Variants in FAM210A observed in about 807,000 individuals in gnomAD.
FAM210A encodes family with sequence similarity 210 member A.
Under a neutral mutation model 25.3 loss-of-function variants are expected in FAM210A, and 13 were observed. The ratio of observed to expected loss-of-function variants is 0.51; its 90% CI spans 0.33 to 0.82. FAM210A has a LOEUF of 0.82. Among genes scored for constraint, FAM210A ranks in the 40% least tolerant of loss-of-function variants. FAM210A has a pLI of 0.02. For missense variants in FAM210A, 319 were observed against 323.2 expected (o/e 0.99, Z 0.10); for synonymous variants, 125 against 118.7 (o/e 1.05, Z -0.35).
chr18:13,705,936 G>C (rs139276870), intron 1 of FAM210A, among the ~76,000 whole-genome samples: 1 of 152,270 alleles, frequency 6.6e-6, no homozygotes, highest in African/African-American at 2.4e-5. Context: ...TTGTATAAAA[G>C]CTTTCCCATG....
intron 1 of FAM210A, among the ~76,000 whole-genome samples, chr18:13,688,819 G>A (rs1048182428): frequency 9.9e-5 from 15 of 152,256 alleles, no homozygotes; most frequent in Admixed American, 6.5e-4. Flanking sequence ...CACATGGCCT[G>A]CACGGAGTTC....
Position 13,726,533 on chromosome 18 carries a change from T to G in FAM210A, c.-233A>C, listed in dbSNP as rs2043952896. 1 of 152,198 alleles carries G rather than the reference T, an allele frequency of 6.6e-6. No individual in the cohort carries two copies. Among genetic ancestry groups the G allele is most frequent in the Non-Finnish European group, 1.5e-5 (1 of 68,088 alleles). 9.4% of individuals were successfully genotyped at this position (152,198 alleles called of 1,614,324 possible). On this transcript the variant is annotated 5_prime_UTR_variant, in exon 1 of 4. Coordinates refer to ENST00000651643, the MANE Select transcript of FAM210A (RefSeq NM_152352.4). ...GCCCACTAGCAACGTGCTCGCGACC[T>G]CCAGTGCCCGCTCAGTGAAGCTTCT... is the stretch of plus-strand genomic sequence containing the variant.
chr18:13,664,920 A>G lies in FAM210A; in HGVS notation c.*1560T>C, dbSNP rs1490248939. ...ATCTAAGAGGCCATTCCCTCATCCA[A>G]TTAGCAATTGAAGGGTTAGAACTGA... On this transcript the variant is annotated 3_prime_UTR_variant, in exon 4 of 4. Coordinates refer to ENST00000651643, the MANE Select transcript of FAM210A (RefSeq NM_152352.4). 4 of 152,434 alleles carry G rather than the reference A, an allele frequency of 2.6e-5. No individual in the cohort carries two copies. The highest frequency in any genetic ancestry group is 7.2e-5 in the African/African-American group (3 of 41,432). 9.4% of individuals were successfully genotyped at this position (152,434 alleles called of 1,614,324 possible).
At chr18:13,720,160 G>A (rs1475741898) in intron 1 of FAM210A, among the ~76,000 whole-genome samples, 1 of 152,154 alleles carries the variant, frequency 6.6e-6, no homozygotes, top group Non-Finnish European at 1.5e-5. Context: ...GCAAAGGATG[G>A]AAAGGCTTTG....
intron 1 of FAM210A, among the ~76,000 whole-genome samples, chr18:13,691,208 A>G (rs2043641558): frequency 6.6e-6 from 1 of 152,216 alleles, no homozygotes; most frequent in South Asian, 2.1e-4. Flanking sequence ...TTTAGAGAAA[A>G]AAGAATACAA....
Position 13,720,534 on chromosome 18 carries a change from G to C in FAM210A, c.-29+5795C>G, listed in dbSNP as rs184035171. 2.1e-3 allele frequency among the ~76,000 whole-genome samples: 315 copies of C among 152,298 alleles called. 1 individual carries two copies. Among genetic ancestry groups the C allele is most frequent in the South Asian group, 0.016 (77 of 4,830 alleles). ...ACCCCTAGAAATTTCACAGGTGGAA[G>C]GCCCCTGAATATTTGTTGGATTTCC... On this transcript the variant is annotated intron_variant, in intron 1 of 3. Coordinates refer to ENST00000651643, the MANE Select transcript of FAM210A (RefSeq NM_152352.4).
rs554458037 is a variant in FAM210A, at chr18:13,680,214, T to C, written c.473+1391A>G. Among the ~76,000 whole-genome samples the C allele has an allele frequency of 7.9e-5, 12 of 152,318 alleles. No individual in the cohort carries two copies. In the South Asian group the frequency reaches 2.1e-3, roughly 26 times the overall value. On this transcript the variant is annotated intron_variant, in intron 2 of 3. Coordinates refer to ENST00000651643, the MANE Select transcript of FAM210A (RefSeq NM_152352.4). ...ACATAGCAGGACTGAATGCCTACAA[T>C]AACTTTTGATCAAAATGGTAACTTT...
chr18:13,712,309 C>T (rs919114456), intron 1 of FAM210A, among the ~76,000 whole-genome samples: 1 of 152,108 alleles, frequency 6.6e-6, no homozygotes, highest in African/African-American at 2.4e-5. Context: ...AGCTTTATTA[C>T]GAACCAGAAA....
At chr18:13,667,292 T>G (rs898430635) in intron 3 of FAM210A, among the ~76,000 whole-genome samples, 1 of 152,182 alleles carries the variant, frequency 6.6e-6, no homozygotes, top group African/African-American at 2.4e-5. Flanking sequence ...AGGCCAAAAG[T>G]AGTAAAATGG....
chr18:13,687,697 G>C (rs1022302403), intron 1 of FAM210A: 1 of 152,142 alleles, frequency 6.6e-6, no homozygotes, highest in African/African-American at 2.4e-5. Flanking sequence ...ACTGGAAGTG[G>C]GTCAGCCTAT....
chr18:13,678,375 A>G (rs2043522334), intron 2 of FAM210A, among the ~76,000 whole-genome samples: 1 of 151,676 alleles, frequency 6.6e-6, no homozygotes, highest in South Asian at 2.1e-4. Context: ...GGTTCAAGCG[A>G]TTCTCCTGCC....
At chr18:13,668,640 T>C (rs115199222) in intron 3 of FAM210A, among the ~76,000 whole-genome samples, 3 of 152,348 alleles carry the variant, frequency 2.0e-5, no homozygotes, top group African/African-American at 4.8e-5. Flanking sequence ...TGTGTGAAAC[T>C]TCACAGAGTG....
intron 1 of FAM210A, among the ~76,000 whole-genome samples, chr18:13,692,900 G>A (rs1053424160): frequency 3.9e-5 from 6 of 152,136 alleles, no homozygotes; most frequent in African/African-American, 1.4e-4. Flanking sequence ...TAAGATCAGA[G>A]CAGAACTGAA....
intron 1 of FAM210A, among the ~76,000 whole-genome samples, chr18:13,713,268 A>T (rs2043835514): frequency 6.6e-6 from 1 of 152,208 alleles, no homozygotes; most frequent in Non-Finnish European, 1.5e-5. Context: ...TTGATACACA[A>T]ATTCAACATA....
intron 1 of FAM210A, among the ~76,000 whole-genome samples, chr18:13,702,160 G>A (rs548795092): frequency 1.3e-5 from 2 of 152,200 alleles, no homozygotes; most frequent in Non-Finnish European, 2.9e-5. Context: ...TCAGAAGCCT[G>A]GCATGCCAGC....
chr18:13,726,082 G>A (rs4393641), intron 1 of FAM210A, among the ~76,000 whole-genome samples: 24,621 of 152,210 alleles, frequency 0.16, 2,689 homozygotes, highest in African/African-American at 0.31. Context: ...CAGTCCCAAA[G>A]CAAGATTTGC....
rs780686444 is a variant in FAM210A at position 13,674,898 on chromosome 18, CTTT to C, written c.474-2928_474-2926del. The stretch of plus-strand genomic sequence containing the variant: ...TATTAACATTCCTGAGCCCCGACTT[CTTT>C]ATTTCCAGTTTCCTGATTATTAACA... On this transcript the variant is annotated intron_variant, in intron 2 of 3. Coordinates refer to ENST00000651643, the MANE Select transcript of FAM210A (RefSeq NM_152352.4). Among the ~76,000 whole-genome samples, 74 of 134,690 alleles carry C rather than the reference CTTT, an allele frequency of 5.5e-4. 1 individual carries two copies. The East Asian group carries it at 7.4e-3, about 13-fold the overall frequency. 88.4% of individuals were successfully genotyped at this position (134,690 alleles called of 152,430 possible). A position where few individuals can be genotyped will look rare whatever the true frequency, so the allele number is the denominator to read the frequency against.
intron 1 of FAM210A, among the ~76,000 whole-genome samples, chr18:13,714,163 T>C (rs1275344238): frequency 6.6e-6 from 1 of 152,238 alleles, no homozygotes; most frequent in Non-Finnish European, 1.5e-5. Flanking sequence ...GTGTTTTCAC[T>C]GTCTTTAAGT....
At chr18:13,698,262 G>A (rs190798923) in intron 1 of FAM210A, among the ~76,000 whole-genome samples, 2 of 140,468 alleles carry the variant, frequency 1.4e-5, no homozygotes, top group African/African-American at 5.3e-5. Flanking sequence ...TGAGGCGGAA[G>A]AATTGCTTGA....
Sources: allele counts gnomAD v4.1 joint callset (sites outside exome capture counted in the v4.1 genomes callset), GRCh38; gene constraint gnomAD v4.1.1; transcripts MANE v1.5; gene names NCBI Gene and HGNC (gene_info 2026-07-23, HGNC 2026-07-21).